The following GPM6A variants were observed in gnomAD, a reference collection of about 807,000 sequenced individuals.
The protein encoded by GPM6A is neuronal membrane glycoprotein M6-a.
In GPM6A, 7 loss-of-function variants were observed where a neutral mutation model predicts 32.1. The ratio of observed to expected loss-of-function variants is 0.22; its 90% CI spans 0.12 to 0.41. The LOEUF is 0.41. Among genes scored for constraint, GPM6A ranks in the 10% least tolerant of loss-of-function variants. The probability of loss-of-function intolerance (pLI) is 1.00; values close to 1 mark genes in which losing one functional copy is unlikely to be tolerated. For synonymous variants in GPM6A, 130 were observed against 123.4 expected (o/e 1.05, Z -0.35); for missense variants, 235 against 347.2 (o/e 0.68, Z 2.57).
At chr4:175,733,042 G>A (rs1005311303) in intron 1 of GPM6A, among the ~76,000 whole-genome samples, 2 of 152,072 alleles carry the variant, frequency 1.3e-5, no homozygotes, top group Non-Finnish European at 2.9e-5. Context: ...ATATAATAAC[G>A]AGTGAAATGG....
At chr4:175,777,786 G>T (rs192674817) in intron 1 of GPM6A, among the ~76,000 whole-genome samples, 1 of 152,134 alleles carries the variant, frequency 6.6e-6, no homozygotes, top group Admixed American at 6.5e-5. Flanking sequence ...TGCCCAATAT[G>T]TTATCTATAG....
chr4:175,672,194 G>T (rs1022814572), intron 3 of GPM6A, among the ~76,000 whole-genome samples: 1 of 152,098 alleles, frequency 6.6e-6, no homozygotes, highest in African/African-American at 2.4e-5. Context: ...GACTGCACTC[G>T]TCCTGGCAGA....
chr4:175,690,168 C>A (rs1467346736), intron 2 of GPM6A, among the ~76,000 whole-genome samples: 1 of 152,190 alleles, frequency 6.6e-6, no homozygotes, highest in Non-Finnish European at 1.5e-5. Context: ...AGTCCACCAA[C>A]TTGCTGACAT....
intron 1 of GPM6A, among the ~76,000 whole-genome samples, chr4:175,975,652 CT>C (rs1480279529): frequency 6.6e-6 from 1 of 152,170 alleles, no homozygotes; most frequent in Non-Finnish European, 1.5e-5. Flanking sequence ...ACACTTACAC[CT>C]TATTCTAAAA....
intron 1 of GPM6A, among the ~76,000 whole-genome samples, chr4:175,713,234 A>T (rs1000428147): frequency 6.6e-6 from 1 of 152,004 alleles, no homozygotes; most frequent in African/African-American, 2.4e-5. Flanking sequence ...AGGGAGTCTC[A>T]CTCTGTCGCC....
At chr4:175,987,789 A>C (rs891176957) in intron 1 of GPM6A, among the ~76,000 whole-genome samples, 7 of 152,140 alleles carry the variant, frequency 4.6e-5, no homozygotes, top group African/African-American at 1.7e-4. Context: ...GAATTTGCCA[A>C]GGAAGAATGT....
chr4:175,875,026 G>A (rs890289072), intron 1 of GPM6A, among the ~76,000 whole-genome samples: 3 of 152,128 alleles, frequency 2.0e-5, no homozygotes, highest in Non-Finnish European at 2.9e-5. Flanking sequence ...AATTACAAAA[G>A]CTGTAGAGGA....
chr4:175,733,310 T>C (rs999788354), intron 1 of GPM6A, among the ~76,000 whole-genome samples: 8 of 151,980 alleles, frequency 5.3e-5, no homozygotes, highest in African/African-American at 1.7e-4. Flanking sequence ...GAGACCATCC[T>C]GGCTAACACA....
chr4:175,720,295 T>G (rs1274447230), intron 1 of GPM6A, among the ~76,000 whole-genome samples: 1 of 152,170 alleles, frequency 6.6e-6, no homozygotes, highest in Non-Finnish European at 1.5e-5. Context: ...AACCTGCACT[T>G]CACATAAATC....
chr4:175,922,148 T>G (rs1738689019), intron 1 of GPM6A, among the ~76,000 whole-genome samples: 1 of 152,182 alleles, frequency 6.6e-6, no homozygotes, highest in Non-Finnish European at 1.5e-5. Flanking sequence ...ATGTGAAGGG[T>G]TAATGTGAAG....
At chr4:175,963,792 T>C (rs990550577) in intron 1 of GPM6A, among the ~76,000 whole-genome samples, 3 of 152,032 alleles carry the variant, frequency 2.0e-5, no homozygotes, top group Admixed American at 2.0e-4. Context: ...ATAACAACAA[T>C]GTATTCGATG....
At chr4:175,981,726 T>A (rs955449286) in intron 1 of GPM6A, among the ~76,000 whole-genome samples, 2 of 152,178 alleles carry the variant, frequency 1.3e-5, no homozygotes, top group Non-Finnish European at 1.5e-5. Flanking sequence ...TACATTTTTA[T>A]TTATCTCGGG....
chr4:175,741,942 T>C (rs1010240669), intron 1 of GPM6A, among the ~76,000 whole-genome samples: 1 of 152,072 alleles, frequency 6.6e-6, no homozygotes, highest in Non-Finnish European at 1.5e-5. Context: ...GAGTCAAAGC[T>C]ACGCATTTAT....
intron 1 of GPM6A, among the ~76,000 whole-genome samples, chr4:175,734,562 CT>C (rs11333952): frequency 0.052 from 7,719 of 147,996 alleles, 367 homozygotes; most frequent in East Asian, 0.35. Flanking sequence ...CAGTCCTTTA[CT>C]TTTTAAAAAA....
At chr4:176,002,178 C>G (rs1440855727) in intron 1 of GPM6A, 2 of 1,021,602 alleles carry the variant, frequency 2.0e-6, no homozygotes, top group Non-Finnish European at 3.0e-6. Flanking sequence ...GGGCGGGGGA[C>G]GCCAGGCGCG....
intron 1 of GPM6A, among the ~76,000 whole-genome samples, chr4:175,923,525 GT>G (rs914193686): frequency 9.0e-4 from 136 of 150,860 alleles, no homozygotes; most frequent in African/African-American, 3.0e-3. Flanking sequence ...CAGTTTTGGG[GT>G]TTTTTTTGTT....
At chr4:175,939,154 C>G (rs889418249) in intron 1 of GPM6A, among the ~76,000 whole-genome samples, 2 of 152,098 alleles carry the variant, frequency 1.3e-5, no homozygotes, top group African/African-American at 2.4e-5. Flanking sequence ...TAAATTATAT[C>G]GATCACCCCT....
chr4:175,734,029 A>G (rs1731543911), intron 1 of GPM6A, among the ~76,000 whole-genome samples: 2 of 152,008 alleles, frequency 1.3e-5, no homozygotes, highest in African/African-American at 4.8e-5. Flanking sequence ...ATCTCTTTCA[A>G]TTTGACTTCC....
intron 1 of GPM6A, among the ~76,000 whole-genome samples, chr4:175,851,523 T>A (rs981918647): frequency 6.8e-6 from 1 of 148,094 alleles, no homozygotes; most frequent in Admixed American, 6.7e-5. Flanking sequence ...TCCAAATGAG[T>A]GTCCAAACAC....
Sources: allele counts gnomAD v4.1 joint callset (sites outside exome capture counted in the v4.1 genomes callset), GRCh38; gene constraint gnomAD v4.1.1; transcripts MANE v1.5; gene names NCBI Gene and HGNC (gene_info 2026-07-23, HGNC 2026-07-21).